Variants in DCDC2B observed in about 807,000 individuals in gnomAD.
DCDC2B encodes doublecortin domain containing 2B.
In DCDC2B, 41 loss-of-function variants were observed where a neutral mutation model predicts 38.9. The observed-to-expected ratio is 1.05, with a 90% confidence interval of 0.82 to 1.37. DCDC2B has a LOEUF of 1.37. Among genes scored for constraint, DCDC2B ranks in the 40% most tolerant of loss-of-function variants. The pLI is 0.00. For synonymous variants in DCDC2B, 181 were observed against 171.9 expected (o/e 1.05, Z -0.41); for missense variants, 453 against 427.2 (o/e 1.06, Z -0.53).
Position 32,209,352 on chromosome 1 carries a change from A to G in DCDC2B, c.259A>G (p.Lys87Glu). ...YVAAGFERFH[K>E]LHYLPHRGKD... ...GGCCGCTGGATTTGAACGATTCCAC[A>G]AGCTCCAGTGAGTGGGCTGGGGCTG... is the stretch of plus-strand genomic sequence containing the variant. Residue 87 changes from lysine (K) to glutamate (E), a missense_variant, in exon 1 of 9, where the codon AAG becomes GAG. Coordinates refer to ENST00000409358, the MANE Select transcript of DCDC2B (RefSeq NM_001099434.2). The G allele has an allele frequency of 6.2e-7, 1 of 1,613,782 alleles. No individual in the cohort carries two copies. The highest frequency in any genetic ancestry group is 8.5e-7 in the Non-Finnish European group (1 of 1,179,786).
intron 7 of DCDC2B, 41 bp from the exon 8 acceptor site, chr1:32,215,399 C>T: frequency 6.4e-7 from 1 of 1,551,796 alleles, no homozygotes; most frequent in Non-Finnish European, 8.8e-7. Context: ...GCTGAGGGCT[C>T]TTCAGCCTGG....
intron 2 of DCDC2B, among the ~76,000 whole-genome samples, 182 bp downstream of exon 2, chr1:32,211,505 C>T (rs911137069): frequency 6.6e-6 from 1 of 152,148 alleles, no homozygotes; most frequent in African/African-American, 2.4e-5. Flanking sequence ...TTGCTTCTGT[C>T]GCAGCCTTTA....
intron 6 of DCDC2B, among the ~76,000 whole-genome samples, chr1:32,213,988 T>C (rs1643693177): frequency 6.6e-6 from 1 of 150,636 alleles, no homozygotes; most frequent in African/African-American, 2.4e-5. Flanking sequence ...ATTATCCCCA[T>C]TTTCCAGAGG....
At chr1:32,211,983 T>A in intron 3 of DCDC2B, 87 bp from the exon 4 acceptor site, 2 of 1,554,184 alleles carry the variant, frequency 1.3e-6, no homozygotes, top group East Asian at 2.3e-5. Flanking sequence ...AGACCAGTGT[T>A]ATGGTTATTG....
intron 7 of DCDC2B, 156 bp downstream of exon 7, chr1:32,215,088 C>T: frequency 4.5e-6 from 5 of 1,103,438 alleles, no homozygotes; most frequent in Non-Finnish European, 6.3e-6. Flanking sequence ...TCTGAACCTA[C>T]TGTGGCTCAG....
At chr1:32,209,980 G>C (rs1171038224) in intron 1 of DCDC2B, among the ~76,000 whole-genome samples, 2 of 152,180 alleles carry the variant, frequency 1.3e-5, no homozygotes, top group African/African-American at 4.8e-5. Flanking sequence ...ATCACCTGAG[G>C]TCAGGTGTTC....
chr1:32,212,087 AC>A lies in DCDC2B; in HGVS notation c.415del (p.Leu139TrpfsTer2). On this transcript the variant is annotated frameshift_variant, in exon 4 of 9. Coordinates refer to ENST00000409358, the MANE Select transcript of DCDC2B (RefSeq NM_001099434.2). LOFTEE classifies it high-confidence loss of function. ...PSYIHVFRNG[D>X]LVSPPFSLKL... ...TGTCTCAGTGTGTTCAGGAATGGGGACCTGGTAAGTCCCCCATTTAGTCTGA... is the reference window on the plus strand; with the variant it reads ...TGTCTCAGTGTGTTCAGGAATGGGGACTGGTAAGTCCCCCATTTAGTCTGA... The A allele has an allele frequency of 6.2e-7, 1 of 1,613,316 alleles. No homozygotes were observed. The highest frequency in any genetic ancestry group is 8.5e-7 in the Non-Finnish European group (1 of 1,179,470).
chr1:32,215,158 G>A (rs1027673814), intron 7 of DCDC2B: 5 of 634,896 alleles, frequency 7.9e-6, no homozygotes, highest in Non-Finnish European at 1.3e-5. Flanking sequence ...GTCTCCAGCT[G>A]CCCCCGTCTG....
At chr1:32,215,034 A>G in intron 7 of DCDC2B, 102 bp downstream of exon 7, 1 of 1,474,736 alleles carries the variant, frequency 6.8e-7, no homozygotes. Flanking sequence ...CAGAATGCTC[A>G]GACACAAAGC....
At chr1:32,212,228 A>T in intron 4 of DCDC2B, 27 bp downstream of exon 4, 1 of 1,604,106 alleles carries the variant, frequency 6.2e-7, no homozygotes, top group Non-Finnish European at 8.5e-7. Flanking sequence ...CGAGGGCCCA[A>T]AAGTCCCCAA....
Position 32,209,295 on chromosome 1 carries a change from CTGG to C in DCDC2B, c.203_205del (p.Leu68_Ala69delinsPro), listed in dbSNP as rs769232405. On this transcript the variant is annotated inframe_deletion, in exon 1 of 9. Transcript: ENST00000409358. Reference sequence around the variant, plus strand: ...TTGTCATGGCCACCCTGTCACCAACCTGGCAGACTTGAAGAACAGAGGGCAGTA... The same window carrying C: ...TTGTCATGGCCACCCTGTCACCAACCCAGACTTGAAGAACAGAGGGCAGTA... 1 of 1,614,032 alleles carries C rather than the reference CTGG, an allele frequency of 6.2e-7. No individual in the cohort carries two copies. Among genetic ancestry groups the C allele is most frequent in the East Asian group, 2.2e-5 (1 of 44,880 alleles).
intron 2 of DCDC2B, 115 bp downstream of exon 2, chr1:32,211,438 G>T: frequency 9.7e-7 from 1 of 1,027,600 alleles, no homozygotes; most frequent in South Asian, 1.4e-5. Flanking sequence ...TTCCAGGGGG[G>T]TACTTTGGAG....
intron 1 of DCDC2B, among the ~76,000 whole-genome samples, 194 bp downstream of exon 1, chr1:32,209,553 C>A (rs1643495792): frequency 2.0e-5 from 3 of 152,154 alleles, no homozygotes; most frequent in African/African-American, 7.2e-5. Context: ...AATAGTTGAA[C>A]TGAAATTCAA....
intron 6 of DCDC2B, 89 bp from the exon 7 acceptor site, chr1:32,214,708 C>T (rs951853651): frequency 2.6e-6 from 4 of 1,558,574 alleles, no homozygotes; most frequent in Non-Finnish European, 3.5e-6. Flanking sequence ...TTCCTGCAGG[C>T]GTCAGGGGCT....
intron 7 of DCDC2B, 178 bp downstream of exon 7, chr1:32,215,110 TA>T (rs76434576): frequency 0.21 from 129,757 of 629,760 alleles, no homozygotes; most frequent in Middle Eastern, 0.26. Context: ...AGACTGCCCG[TA>T]AAAAAAAAAA....
At chr1:32,214,687 C>A (rs538249440) in intron 6 of DCDC2B, 110 bp from the exon 7 acceptor site, 65 of 1,484,536 alleles carry the variant, frequency 4.4e-5, no homozygotes, top group Non-Finnish European at 5.3e-5. Context: ...GACGGTGTCT[C>A]CTCTGCCATG....
intron 1 of DCDC2B, among the ~76,000 whole-genome samples, chr1:32,210,274 C>T (rs1173669827): frequency 1.3e-5 from 2 of 149,158 alleles, no homozygotes; most frequent in African/African-American, 5.0e-5. Flanking sequence ...TGCAGTGAGC[C>T]GAGATCGTGC....
chr1:32,211,602 T>C (rs1055428729), intron 2 of DCDC2B, among the ~76,000 whole-genome samples, 159 bp from the exon 3 acceptor site: 4 of 152,098 alleles, frequency 2.6e-5, no homozygotes, highest in African/African-American at 7.2e-5. Flanking sequence ...TTAGGGAACA[T>C]CTAAGCACCG....
chr1:32,211,458 A>C, intron 2 of DCDC2B, 135 bp downstream of exon 2: 2 of 888,694 alleles, frequency 2.3e-6, no homozygotes, highest in East Asian at 5.3e-5. Flanking sequence ...GCCAGCTACT[A>C]TCTTTCCTGG....
Sources: gnomAD v4.1 joint callset for allele counts (sites outside exome capture counted in the v4.1 genomes callset) on GRCh38, gnomAD v4.1.1 for gene constraint, MANE v1.5 for transcripts, NCBI Gene and HGNC (gene_info 2026-07-23, HGNC 2026-07-21) for gene names.